Variants in CYP46A1 observed in about 807,000 individuals in gnomAD.
CYP46A1 encodes cholesterol 24-hydroxylase.
CYP46A1 carries 20 observed loss-of-function variants against 63.3 expected under a neutral mutation model. The observed-to-expected ratio is 0.32, with a 90% CI of 0.22 to 0.46. The LOEUF (loss-of-function observed/expected upper bound fraction) is 0.46. Ranked by LOEUF, CYP46A1 falls within the 20% of genes least tolerant of loss-of-function variation. The pLI, the probability that CYP46A1 is intolerant of heterozygous loss-of-function variation, is 1.00. For synonymous variants in CYP46A1, 268 were observed against 273.6 expected, an observed-to-expected ratio of 0.98 and a Z score of 0.20; for missense variants, 445 against 670.8, an observed-to-expected ratio of 0.66 and a Z score of 3.72.
intron 12 of CYP46A1, among the ~76,000 whole-genome samples, chr14:99,723,876 G>A (rs1029400976): frequency 6.6e-6 from 1 of 152,202 alleles, no homozygotes; most frequent in Non-Finnish European, 1.5e-5. Flanking sequence ...TCAAGGTAGG[G>A]ACCTTTCTGT....
intron 3 of CYP46A1, among the ~76,000 whole-genome samples, chr14:99,692,411 C>A (rs1311121966): frequency 6.6e-6 from 1 of 152,118 alleles, no homozygotes; most frequent in Non-Finnish European, 1.5e-5. Flanking sequence ...TGGTGGCAGG[C>A]ACCTGTAATA....
At chr14:99,718,446 A>G (rs7151887) in intron 10 of CYP46A1, among the ~76,000 whole-genome samples, 109,378 of 152,054 alleles carry the variant, frequency 0.72, 39,805 homozygotes, top group South Asian at 0.85. Flanking sequence ...ATGAGACCAG[A>G]AGCTCCAGGA....
chr14:99,725,298 G>A lies in CYP46A1; in HGVS notation c.1177-93G>A, dbSNP rs1236769203. 4.2e-6 allele frequency: 4 copies of A among 947,324 alleles called. No homozygotes were observed. The highest frequency in any genetic ancestry group is 3.2e-5 in the African/African-American group (2 of 62,200). The allele number at this position is 947,324 out of a possible 1,614,324, so 58.7% of individuals were successfully genotyped here. ...GGGGGAGGAGAGTGGGACCCACTCTGCTCTGAGTAGCCCTGTTGGGTGGCC... is the reference window on the plus strand; with the variant it reads ...GGGGGAGGAGAGTGGGACCCACTCTACTCTGAGTAGCCCTGTTGGGTGGCC... On this transcript the variant is annotated intron_variant, in intron 12 of 14. Transcript: ENST00000261835. This position sits in a 1 kb window ranked among gnomAD's most constrained non-coding sequence, Gnocchi z 4.2.
rs2056860468 is a variant in CYP46A1, at chr14:99,722,771, C to T, written c.1176+705C>T. On this transcript the variant is annotated intron_variant, in intron 12 of 14. Transcript: ENST00000261835. The surrounding 1 kb of genome is among the most constrained non-coding windows in gnomAD (Gnocchi z 4.6). ...ATTTGTGTAGGTTTCTCCACAAGGC[C>T]GTAGGACAACCACCATCGCTGATCA... 3.0e-6 allele frequency: 1 copy of T among 327,900 alleles called. No individual in the cohort carries two copies. Among genetic ancestry groups the T allele is most frequent in the Non-Finnish European group, 6.4e-6 (1 of 157,028 alleles). The allele number at this position is 327,900 out of a possible 1,614,324, so 20.3% of individuals were successfully genotyped here. A position where few individuals can be genotyped will look rare whatever the true frequency, so the allele number is the denominator to read the frequency against.
intron 9 of CYP46A1, among the ~76,000 whole-genome samples, chr14:99,716,770 G>A (rs1239307379): frequency 1.3e-5 from 2 of 152,224 alleles, no homozygotes; most frequent in Non-Finnish European, 2.9e-5. Flanking sequence ...GATGAGCGAA[G>A]GGTCAGGTTG....
chr14:99,715,718 A>G, intron 7 of CYP46A1, 92 bp from the exon 8 acceptor site: 2 of 1,551,144 alleles, frequency 1.3e-6, no homozygotes, highest in East Asian at 2.3e-5. Flanking sequence ...CCAGCTTGCC[A>G]GTGCCGCTAA....
chr14:99,687,308 A>G (rs2140110021), intron 1 of CYP46A1, among the ~76,000 whole-genome samples: 1 of 152,338 alleles, frequency 6.6e-6, no homozygotes, highest in South Asian at 2.1e-4. Context: ...TGTAAACTTG[A>G]CAATGAAAGG....
In CYP46A1 at chr14:99,722,950, C is replaced by CT. The variant is rs1267925083; in HGVS notation, c.1176+884_1176+885insT. On this transcript the variant is annotated intron_variant, in intron 12 of 14. Transcript: ENST00000261835. This position sits in a 1 kb window ranked among gnomAD's most constrained non-coding sequence, Gnocchi z 4.6. ...AGTGAGAGGGCTGGGTTGTAGGACCCCTGACTGTTCAGCTTTACAAACGAA... is the reference window on the plus strand; with the variant it reads ...AGTGAGAGGGCTGGGTTGTAGGACCCTCTGACTGTTCAGCTTTACAAACGAA... The CT allele has an allele frequency of 4.4e-5, 20 of 449,466 alleles. No homozygotes were observed. The highest frequency in any genetic ancestry group is 8.6e-5 in the Non-Finnish European group (19 of 222,132). The allele number at this position is 449,466 out of a possible 1,614,324, so 27.8% of individuals were successfully genotyped here.
In CYP46A1 at chr14:99,722,656, TG is replaced by T. The variant is rs2140141822; in HGVS notation, c.1176+591del. Among the ~76,000 whole-genome samples, 1 of 149,158 alleles carries T rather than the reference TG, an allele frequency of 6.7e-6. No individual in the cohort carries two copies. Among genetic ancestry groups the T allele is most frequent in the East Asian group, 1.9e-4 (1 of 5,174 alleles). On this transcript the variant is annotated intron_variant, in intron 12 of 14. Coordinates refer to ENST00000261835, the MANE Select transcript of CYP46A1 (RefSeq NM_006668.2). This position sits in a 1 kb window ranked among gnomAD's most constrained non-coding sequence, Gnocchi z 4.6. ...TGTTTGCCATTCCCGTGTGTGTGTGTGTGTGTGTGTGTGTGTGTGTGTGCCT... is the reference window on the plus strand; with the variant it reads ...TGTTTGCCATTCCCGTGTGTGTGTGTTGTGTGTGTGTGTGTGTGTGTGCCT...
chr14:99,686,697 G>A (rs935733189), intron 1 of CYP46A1, among the ~76,000 whole-genome samples: 2 of 152,072 alleles, frequency 1.3e-5, no homozygotes. Flanking sequence ...CCTTCTTATG[G>A]CTAAATTCTT....
In CYP46A1 at chr14:99,721,231, C is replaced by A; in HGVS notation, c.981-8C>A. On this transcript the variant is annotated splice_polypyrimidine_tract_variant and splice_region_variant and intron_variant, in intron 10 of 14. Transcript: ENST00000261835. ...TGGAGACGAACTTGTCTTTGTCTTA[C>A]CCCACAGGCTGCAGGCCGAGGTGGA... The A allele has an allele frequency of 6.2e-7, 1 of 1,612,224 alleles. No homozygotes were observed. The highest frequency in any genetic ancestry group is 8.5e-7 in the Non-Finnish European group (1 of 1,178,232).
chr14:99,709,986 C>T (rs575112015), intron 7 of CYP46A1: 4 of 152,250 alleles, frequency 2.6e-5, no homozygotes, highest in African/African-American at 7.2e-5. Flanking sequence ...TAATGCTATA[C>T]TTCCAAACTG....
chr14:99,694,018 CTACCTTCTGTCTCCGT>C (rs1310439649), intron 3 of CYP46A1, among the ~76,000 whole-genome samples: 1 of 152,160 alleles, frequency 6.6e-6, no homozygotes, highest in East Asian at 1.9e-4. Context: ...AACCACTATT[CTACCTTCTGTCTCCGT>C]GAATTGGACT....
chr14:99,717,340 C>G (rs2056799701), intron 9 of CYP46A1, among the ~76,000 whole-genome samples: 1 of 152,152 alleles, frequency 6.6e-6, no homozygotes, highest in South Asian at 2.1e-4. Flanking sequence ...TTGTGTCTGT[C>G]TTTCCCTTTG....
At chr14:99,696,587 C>G (rs10137574) in intron 3 of CYP46A1, among the ~76,000 whole-genome samples, 40,977 of 152,098 alleles carry the variant, frequency 0.27, 6,031 homozygotes, top group South Asian at 0.36. Flanking sequence ...TATGATCTGC[C>G]TTGGTATACT....
chr14:99,694,274 G>A (rs1297770743), intron 3 of CYP46A1, among the ~76,000 whole-genome samples: 1 of 132,958 alleles, frequency 7.5e-6, no homozygotes, highest in Non-Finnish European at 1.6e-5. Flanking sequence ...TTGGCATAAA[G>A]TTGTTCATGA....
rs529270735 is a variant in CYP46A1 at position 99,694,236 on chromosome 14, GTTCAC to G, written c.282+2381_282+2385del. 1.5e-3 allele frequency among the ~76,000 whole-genome samples: 219 copies of G among 148,108 alleles called. 1 individual carries two copies. Among genetic ancestry groups the G allele is most frequent in the Admixed American group, 3.4e-3 (51 of 14,812 alleles). On this transcript the variant is annotated intron_variant, in intron 3 of 14. Transcript: ENST00000261835. The stretch of plus-strand genomic sequence containing the variant: ...ATAATTCACATATTTCAAGAGATCT[GTTCAC>G]TTCACATAATTTGCTTAAATTATTG...
intron 3 of CYP46A1, among the ~76,000 whole-genome samples, chr14:99,699,058 T>G (rs2056608564): frequency 6.6e-6 from 1 of 151,994 alleles, no homozygotes; most frequent in Admixed American, 6.5e-5. Context: ...ATATTAAATG[T>G]GTGCCAAGTG....
At chr14:99,707,131 C>T (rs2056684130) in intron 6 of CYP46A1, among the ~76,000 whole-genome samples, 1 of 152,182 alleles carries the variant, frequency 6.6e-6, no homozygotes, top group African/African-American at 2.4e-5. Context: ...GCTCTTCACC[C>T]CAGTAGACTC....
Sources: allele counts gnomAD v4.1 joint callset (sites outside exome capture counted in the v4.1 genomes callset), GRCh38; gene constraint gnomAD v4.1.1; non-coding constraint Gnocchi (gnomAD v3.1); transcripts MANE v1.5; gene names NCBI Gene and HGNC (gene_info 2026-07-23, HGNC 2026-07-21).